The following SLC24A4 variants were observed in gnomAD, a reference collection of about 807,000 sequenced individuals.
SLC24A4 encodes the protein solute carrier family 24 member 4, also known as sodium/potassium/calcium exchanger 4.
In SLC24A4, 53 loss-of-function variants were observed where a neutral mutation model predicts 79.0. The ratio of observed to expected loss-of-function variants is 0.67; its 90% CI spans 0.54 to 0.84. The LOEUF is 0.84. Among genes scored for constraint, SLC24A4 ranks in the 40% least tolerant of loss-of-function variants. SLC24A4 has a pLI of 0.00. For missense variants in SLC24A4, 731 were observed against 822.0 expected (o/e 0.89, Z 1.35); for synonymous variants, 323 against 323.8 (o/e 1.00, Z 0.03).
chr14:92,350,668 C>G (rs1266212025), intron 2 of SLC24A4, among the ~76,000 whole-genome samples: 1 of 152,182 alleles, frequency 6.6e-6, no homozygotes, highest in Non-Finnish European at 1.5e-5. Flanking sequence ...GACCAAGTCA[C>G]TAAGTTACCA....
rs556876510 is a variant in SLC24A4 at position 92,474,573 on chromosome 14, A to G, written c.1256-8107A>G. On this transcript the variant is annotated intron_variant, in intron 12 of 16. Transcript: ENST00000532405. ...GATCTCTGCTCACTGCAACCTCCAC[A>G]TCCCGGATTCAAGCGATTCTCCTGC... 5.3e-5 allele frequency among the ~76,000 whole-genome samples: 8 copies of G among 151,440 alleles called. No individual in the cohort carries two copies. In the East Asian group the frequency reaches 1.4e-3, roughly 26 times the overall value.
chr14:92,492,035 C>T, intron 15 of SLC24A4, 140 bp from the exon 16 acceptor site: 1 of 790,158 alleles, frequency 1.3e-6, no homozygotes, highest in Non-Finnish European at 2.1e-6. Flanking sequence ...TTTTCCTGAC[C>T]CTCCACGACC....
At chr14:92,464,893 G>A (rs1894018421) in intron 12 of SLC24A4, among the ~76,000 whole-genome samples, 1 of 152,220 alleles carries the variant, frequency 6.6e-6, no homozygotes, top group Non-Finnish European at 1.5e-5. Flanking sequence ...AGCTTTTAGA[G>A]CATCCTGGGG....
At chr14:92,442,289 A>C in intron 5 of SLC24A4, 116 bp downstream of exon 5, 1 of 760,648 alleles carries the variant, frequency 1.3e-6, no homozygotes, top group South Asian at 1.7e-5. Context: ...AAATGGGAGA[A>C]TTGGAGAGGC....
chr14:92,456,293 G>C, intron 11 of SLC24A4, 111 bp from the exon 12 acceptor site: 1 of 1,052,822 alleles, frequency 9.5e-7, no homozygotes, highest in East Asian at 2.5e-5. Context: ...CCCCAGGGTT[G>C]TTGTTCTAGG....
chr14:92,438,593 G>C (rs149948436), intron 3 of SLC24A4, among the ~76,000 whole-genome samples: 110 of 152,276 alleles, frequency 7.2e-4, no homozygotes, highest in African/African-American at 2.4e-3. Flanking sequence ...ACTCCAGCCT[G>C]GGTGGCAGAG....
intron 2 of SLC24A4, among the ~76,000 whole-genome samples, chr14:92,390,301 G>A (rs1251419324): frequency 6.6e-6 from 1 of 151,804 alleles, no homozygotes; most frequent in African/African-American, 2.4e-5. Context: ...CGCCTGCATC[G>A]AGCCTTCCCC....
At chr14:92,334,950 C>T (rs1418640620) in intron 2 of SLC24A4, among the ~76,000 whole-genome samples, 1 of 151,946 alleles carries the variant, frequency 6.6e-6, no homozygotes, top group Non-Finnish European at 1.5e-5. Context: ...TCCAGGGTAC[C>T]CTATGTTGGG....
chr14:92,351,913 A>AGGAAGGAAAGGAAAG (rs1566706448), intron 2 of SLC24A4, among the ~76,000 whole-genome samples: 1 of 89,562 alleles, frequency 1.1e-5, no homozygotes, highest in Non-Finnish European at 2.4e-5. Flanking sequence ...AAGGAAGGAA[A>AGGAAGGAAAGGAAAG]GGAAGGAAAG....
intron 2 of SLC24A4, among the ~76,000 whole-genome samples, chr14:92,336,916 G>C (rs1454744240): frequency 6.6e-6 from 1 of 152,154 alleles, no homozygotes; most frequent in Admixed American, 6.5e-5. Flanking sequence ...ATCACCTCCC[G>C]TACCTGGAGG....
At position 92,448,345 on chromosome 14, in the gene SLC24A4, T is replaced by TACAC. The variant is rs71877757; in HGVS notation, c.738-697_738-694dup. 2.0e-3 allele frequency among the ~76,000 whole-genome samples: 261 copies of TACAC among 132,056 alleles called. 1 individual carries two copies. The highest frequency in any genetic ancestry group is 6.6e-3 in the African/African-American group (225 of 34,162). The allele number at this position is 132,056 out of a possible 152,430, so 86.6% of individuals were successfully genotyped here. Reference sequence around the variant, plus strand: ...TGACATATATTTTTTTCCCACTACATACACACACACACACACACACACACA... The same window carrying TACAC: ...TGACATATATTTTTTTCCCACTACATACACACACACACACACACACACACACACA... On this transcript the variant is annotated intron_variant, in intron 9 of 16. Coordinates refer to ENST00000532405, the MANE Select transcript of SLC24A4 (RefSeq NM_153646.4).
At chr14:92,429,037 G>A (rs1027934155) in intron 2 of SLC24A4, among the ~76,000 whole-genome samples, 3 of 152,218 alleles carry the variant, frequency 2.0e-5, no homozygotes, top group Non-Finnish European at 2.9e-5. Flanking sequence ...TCCACTGGCA[G>A]TCGAGGTTAT....
At chr14:92,352,186 G>A (rs1378766080) in intron 2 of SLC24A4, among the ~76,000 whole-genome samples, 1 of 152,192 alleles carries the variant, frequency 6.6e-6, no homozygotes, top group Non-Finnish European at 1.5e-5. Context: ...CTATGAATGA[G>A]AGGCACCGTG....
intron 2 of SLC24A4, among the ~76,000 whole-genome samples, chr14:92,410,659 A>C (rs1447623447): frequency 6.6e-6 from 1 of 152,164 alleles, no homozygotes; most frequent in African/African-American, 2.4e-5. Context: ...CTTCTGAACA[A>C]TTCTAAGAGG....
At chr14:92,343,660 CCTT>C (rs1886345038) in intron 2 of SLC24A4, among the ~76,000 whole-genome samples, 2 of 119,286 alleles carry the variant, frequency 1.7e-5, no homozygotes, top group African/African-American at 7.0e-5. Flanking sequence ...TTCTTTCCTT[CCTT>C]CCTTCCTTCC....
At chr14:92,362,412 C>A (rs1047387542) in intron 2 of SLC24A4, among the ~76,000 whole-genome samples, 5 of 152,158 alleles carry the variant, frequency 3.3e-5, no homozygotes, top group Non-Finnish European at 7.4e-5. Flanking sequence ...TCCTGTCAGT[C>A]CCCCCAATGT....
At position 92,393,513 on chromosome 14, in the gene SLC24A4, A is replaced by G. The variant is rs1267205066; in HGVS notation, c.242-40399A>G. On this transcript the variant is annotated intron_variant, in intron 2 of 16. Transcript: ENST00000532405. ...TGGTCGCACATCCAAGGAAATGGCC[A>G]TGGTTTCCAGTTCCATCCAAGAAGA... 2.1e-5 allele frequency among the ~76,000 whole-genome samples: 3 copies of G among 146,248 alleles called. No homozygotes were observed. The East Asian group carries it at 6.0e-4, about 29-fold the overall frequency.
chr14:92,373,886 T>C (rs1451606737), intron 2 of SLC24A4, among the ~76,000 whole-genome samples: 2 of 152,200 alleles, frequency 1.3e-5, no homozygotes, highest in Non-Finnish European at 2.9e-5. Context: ...TTGACAATTG[T>C]CAACTTGTGG....
chr14:92,409,093 C>A (rs1055995114), intron 2 of SLC24A4, among the ~76,000 whole-genome samples: 1 of 152,108 alleles, frequency 6.6e-6, no homozygotes, highest in Non-Finnish European at 1.5e-5. Context: ...TGGGTCAGGA[C>A]GGCCTGTGGA....
Sources: gnomAD v4.1 joint callset for allele counts (sites outside exome capture counted in the v4.1 genomes callset) on GRCh38, gnomAD v4.1.1 for gene constraint, MANE v1.5 for transcripts, NCBI Gene and HGNC (gene_info 2026-07-23, HGNC 2026-07-21) for gene names.